Variants in GNG11 observed in about 807,000 individuals in gnomAD.
GNG11 encodes G protein subunit gamma 11.
GNG11 carries 6 observed loss-of-function variants against 7.4 expected under a neutral mutation model. The observed-to-expected ratio is 0.81, with a 90% confidence interval of 0.44 to 1.60. The LOEUF (loss-of-function observed/expected upper bound fraction) is 1.60, where lower values mean the gene tolerates loss of function less well. Ranked by LOEUF, GNG11 falls within the 40% of genes most tolerant of loss-of-function variation. GNG11 has a pLI of 0.01. For missense variants in GNG11, 65 were observed against 83.0 expected, an observed-to-expected ratio of 0.78 and a Z score of 0.84; for synonymous variants, 31 against 25.9, an observed-to-expected ratio of 1.20 and a Z score of -0.60.
At chr7:93,925,154 A>C (rs1284178409) in intron 1 of GNG11, among the ~76,000 whole-genome samples, 3 of 152,022 alleles carry the variant, frequency 2.0e-5, no homozygotes, top group Non-Finnish European at 4.4e-5. Flanking sequence ...ATAGAGCAAG[A>C]CTCCATCTCA....
At chr7:93,922,301 A>C in intron 1 of GNG11, 68 bp downstream of exon 1, 1 of 870,998 alleles carries the variant, frequency 1.1e-6, no homozygotes, top group East Asian at 2.8e-5. Flanking sequence ...CCTGCTTAGT[A>C]ACAGTAAAGC....
At chr7:93,924,221 G>T (rs564726003) in intron 1 of GNG11, among the ~76,000 whole-genome samples, 25 of 152,334 alleles carry the variant, frequency 1.6e-4, no homozygotes, top group African/African-American at 6.0e-4. Flanking sequence ...CATTCTGGCT[G>T]TAGTTAAATG....
chr7:93,927,379 A>T lies in GNG11; in HGVS notation c.*1163A>T, dbSNP rs909143615. The stretch of plus-strand genomic sequence containing the variant: ...TGAAGCCCAAACCTCACAAAAAGGG[A>T]CCTTTCTTTCTCACCTTGAGCATTC... On this transcript the variant is annotated 3_prime_UTR_variant, in exon 2 of 2. Transcript: ENST00000248564. 1 of 152,098 alleles carries T rather than the reference A, an allele frequency of 6.6e-6. No individual in the cohort carries two copies. The highest frequency in any genetic ancestry group is 2.4e-5 in the African/African-American group (1 of 41,404). The allele number at this position is 152,098 out of a possible 1,614,324, so 9.4% of individuals were successfully genotyped here.
At chr7:93,926,031 G>T (rs553225190) in intron 1 of GNG11, 60 bp from the exon 2 acceptor site, 5 of 1,004,174 alleles carry the variant, frequency 5.0e-6, no homozygotes, top group Non-Finnish European at 7.1e-6. Flanking sequence ...TCATTAAGGC[G>T]TAGGGACAAA....
At chr7:93,924,048 G>A (rs1427836093) in intron 1 of GNG11, among the ~76,000 whole-genome samples, 1 of 152,070 alleles carries the variant, frequency 6.6e-6, no homozygotes, top group East Asian at 1.9e-4. Context: ...GTCCCACAAA[G>A]GCTAACTAGC....
chr7:93,928,035 T>A lies in GNG11; in HGVS notation c.*1819T>A, dbSNP rs1018574710. ...TAGCTGTTTCATTTCTTTGCACTTA[T>A]AAAGTTTTCTTCTGTTGCCTATGAA... On this transcript the variant is annotated 3_prime_UTR_variant, in exon 2 of 2. Coordinates refer to ENST00000248564, the MANE Select transcript of GNG11 (RefSeq NM_004126.4). The A allele has an allele frequency of 1.3e-5, 2 of 152,200 alleles. No individual in the cohort carries two copies. Among genetic ancestry groups the A allele is most frequent in the African/African-American group, 4.8e-5 (2 of 41,446 alleles). 9.4% of individuals were successfully genotyped at this position (152,200 alleles called of 1,614,324 possible).
chr7:93,923,873 G>A (rs2115930512), intron 1 of GNG11, among the ~76,000 whole-genome samples: 1 of 152,170 alleles, frequency 6.6e-6, no homozygotes, highest in South Asian at 2.1e-4. Context: ...AAAAACTTTG[G>A]ATATATGTAA....
chr7:93,925,139 G>A (rs1205078960), intron 1 of GNG11, among the ~76,000 whole-genome samples: 1 of 152,098 alleles, frequency 6.6e-6, no homozygotes, highest in Non-Finnish European at 1.5e-5. Context: ...ACTCCAGCCT[G>A]GGCAATAGAG....
At chr7:93,922,869 A>G (rs1794634120) in intron 1 of GNG11, among the ~76,000 whole-genome samples, 1 of 152,166 alleles carries the variant, frequency 6.6e-6, no homozygotes, top group Admixed American at 6.5e-5. Context: ...AAATTTTTTT[A>G]GTGATCACAA....
Position 93,922,063 on chromosome 7 carries a change from G to C in GNG11, c.-75G>C, listed in dbSNP as rs568508250. 8.7e-6 allele frequency: 8 copies of C among 916,108 alleles called. 1 individual carries two copies. Among genetic ancestry groups the C allele is most frequent in the South Asian group, 3.6e-5 (2 of 55,202 alleles). 56.7% of individuals were successfully genotyped at this position (916,108 alleles called of 1,614,324 possible). ...GGCGGGCCAGGCCTTCAGTTGTTTC[G>C]GGACGCGCCGAGCTTCGCCGCTCTT... On this transcript the variant is annotated 5_prime_UTR_variant, in exon 1 of 2. Coordinates refer to ENST00000248564, the MANE Select transcript of GNG11 (RefSeq NM_004126.4).
Position 93,926,252 on chromosome 7 carries a change from C to T in GNG11, c.*36C>T. The T allele has an allele frequency of 6.6e-7, 1 of 1,515,336 alleles. No individual in the cohort carries two copies. The highest frequency in any genetic ancestry group is 8.9e-7 in the Non-Finnish European group (1 of 1,126,022). The allele number at this position is 1,515,336 out of a possible 1,614,324, so 93.9% of individuals were successfully genotyped here. A position where few individuals can be genotyped will look rare whatever the true frequency, so the allele number is the denominator to read the frequency against. The stretch of plus-strand genomic sequence containing the variant: ...AGAAACTGCATCCTAAGTGGAAGAA[C>T]TAGTTTGTTTTAGTTTTCCCAGATA... On this transcript the variant is annotated 3_prime_UTR_variant, in exon 2 of 2. Transcript: ENST00000248564.
intron 1 of GNG11, among the ~76,000 whole-genome samples, chr7:93,923,084 T>C (rs1157745357): frequency 6.6e-6 from 1 of 152,220 alleles, no homozygotes; most frequent in Non-Finnish European, 1.5e-5. Context: ...GAAAGGTCTT[T>C]GAATAGATAT....
At chr7:93,925,837 C>A (rs1794671005) in intron 1 of GNG11, among the ~76,000 whole-genome samples, 1 of 151,738 alleles carries the variant, frequency 6.6e-6, no homozygotes. Flanking sequence ...GACCAACGAC[C>A]AACAGTAAGA....
intron 1 of GNG11, among the ~76,000 whole-genome samples, chr7:93,925,032 T>C (rs375697314): frequency 0.014 from 2,151 of 152,162 alleles, 38 homozygotes; most frequent in African/African-American, 0.045. Flanking sequence ...GGCGTGGTGG[T>C]GGGCGCCTGT....
chr7:93,922,154 T>A lies in GNG11; in HGVS notation c.17T>A (p.Ile6Asn). The change falls in exon 1 of 2, where the codon ATC becomes AAC. Residue 6 changes from isoleucine to asparagine, a missense_variant. Physicochemically the swap from Ile to Asn is moderately radical, Grantham distance 149. Coordinates refer to ENST00000248564, the MANE Select transcript of GNG11 (RefSeq NM_004126.4). The stretch of plus-strand genomic sequence containing the variant: ...GGGGCGAAAATGCCTGCCCTTCACA[T>A]CGAAGATTTGCCAGAGAAGGAAAAA... Reference protein sequence around the residue: MPALHIEDLPEKEKLK... With the variant: MPALHNEDLPEKEKLK... The A allele has an allele frequency of 6.3e-7, 1 of 1,593,236 alleles. No homozygotes were observed. Among genetic ancestry groups the A allele is most frequent in the Non-Finnish European group, 8.6e-7 (1 of 1,165,908 alleles).
In GNG11 at chr7:93,926,318, A is replaced by G; in HGVS notation, c.*102A>G. 1 of 912,726 alleles carries G rather than the reference A, an allele frequency of 1.1e-6. No individual in the cohort carries two copies. Among genetic ancestry groups the G allele is most frequent in the Non-Finnish European group, 1.6e-6 (1 of 606,702 alleles). 56.5% of individuals were successfully genotyped at this position (912,726 alleles called of 1,614,324 possible). On this transcript the variant is annotated 3_prime_UTR_variant, in exon 2 of 2. Transcript: ENST00000248564. The stretch of plus-strand genomic sequence containing the variant: ...TTAAGGAAGGAAGAATGAAATTAAA[A>G]GGAGACTTTCTTAAGCACCATATAG...
rs746538071 is a variant in GNG11, at chr7:93,922,099, C to G, written c.-39C>G. On this transcript the variant is annotated 5_prime_UTR_variant, in exon 1 of 2. Coordinates refer to ENST00000248564, the MANE Select transcript of GNG11 (RefSeq NM_004126.4). ...AGCTTCGCCGCTCTTCCAGCGGCTCCGCTGCCAGAGCTAGCCCGAGCCCGG... is the reference window on the plus strand; with the variant it reads ...AGCTTCGCCGCTCTTCCAGCGGCTCGGCTGCCAGAGCTAGCCCGAGCCCGG... 4.6e-5 allele frequency: 62 copies of G among 1,333,912 alleles called. No homozygotes were observed. The highest frequency in any genetic ancestry group is 6.2e-5 in the Non-Finnish European group (60 of 964,134). 82.6% of individuals were successfully genotyped at this position (1,333,912 alleles called of 1,614,324 possible).
intron 1 of GNG11, among the ~76,000 whole-genome samples, chr7:93,923,533 A>G (rs1014268411): frequency 1.3e-5 from 2 of 152,222 alleles, no homozygotes; most frequent in African/African-American, 4.8e-5. Flanking sequence ...TTCCCAGTAC[A>G]GCAAGTGCTG....
intron 1 of GNG11, among the ~76,000 whole-genome samples, chr7:93,925,134 A>T (rs1267642553): frequency 2.0e-5 from 3 of 152,236 alleles, no homozygotes; most frequent in African/African-American, 4.8e-5. Context: ...ACTGCACTCC[A>T]GCCTGGGCAA....
Sources: gnomAD v4.1 joint callset for allele counts (sites outside exome capture counted in the v4.1 genomes callset) on GRCh38, gnomAD v4.1.1 for gene constraint, MANE v1.5 for transcripts, NCBI Gene and HGNC (gene_info 2026-07-23, HGNC 2026-07-21) for gene names.